The following PCNX1 variants were observed in gnomAD, a reference collection of about 807,000 sequenced individuals.
The protein encoded by PCNX1 is pecanex-like protein 1.
In PCNX1, 78 loss-of-function variants were observed where a neutral mutation model predicts 242.2. That is an observed-to-expected ratio of 0.32 (90% CI 0.27 to 0.39). PCNX1 has a LOEUF of 0.39. Ranked by LOEUF, PCNX1 falls within the 10% of genes least tolerant of loss-of-function variation. The pLI is 1.00. For missense variants in PCNX1, 2,581 were observed against 2,856.5 expected, an observed-to-expected ratio of 0.90 and a Z score of 2.20; for synonymous variants, 1,024 against 1,032.9, an observed-to-expected ratio of 0.99 and a Z score of 0.17.
At chr14:70,936,703 CCA>C (rs1296688056) in intron 1 of PCNX1, among the ~76,000 whole-genome samples, 1 of 152,196 alleles carries the variant, frequency 6.6e-6, no homozygotes, top group Non-Finnish European at 1.5e-5. Flanking sequence ...TGAGGAATTG[CCA>C]CACTGTCTTC....
chr14:71,012,885 A>G, intron 10 of PCNX1, 100 bp from the exon 11 acceptor site: 1 of 818,268 alleles, frequency 1.2e-6, no homozygotes, highest in Non-Finnish European at 2.0e-6. Context: ...TGATAAGCTA[A>G]TTGAGTAACT....
At chr14:71,013,891 C>A (rs2059890010) in intron 11 of PCNX1, among the ~76,000 whole-genome samples, 1 of 152,114 alleles carries the variant, frequency 6.6e-6, no homozygotes, top group Non-Finnish European at 1.5e-5. Context: ...TCCAGGGAGG[C>A]TATGGCAGTT....
chr14:71,018,259 A>G (rs974343208), intron 11 of PCNX1, among the ~76,000 whole-genome samples: 2 of 152,126 alleles, frequency 1.3e-5, no homozygotes, highest in Admixed American at 6.5e-5. Context: ...ATGTATTTGT[A>G]TAAGATTTTG....
Position 71,105,445 on chromosome 14 carries a change from T to G in PCNX1, c.6301+5T>G, listed in dbSNP as rs749260809. 5.3e-5 allele frequency: 85 copies of G among 1,608,906 alleles called. No individual in the cohort carries two copies. Among genetic ancestry groups the G allele is most frequent in the Non-Finnish European group, 6.6e-5 (77 of 1,175,484 alleles). On this transcript the variant is annotated splice_donor_5th_base_variant and intron_variant, in intron 33 of 35. Transcript: ENST00000304743. ...CATCTTATCCTCCAACACTAGGTAA[T>G]GTGAAACAAAGTTATATGTCTAATG...
rs1338134102 is a variant in PCNX1 at position 71,114,516 on chromosome 14, A to G, written c.*4581A>G. On this transcript the variant is annotated 3_prime_UTR_variant, in exon 36 of 36. Coordinates refer to ENST00000304743, the MANE Select transcript of PCNX1 (RefSeq NM_014982.3). ...TTTATCTTTATTGCCTACATACAAC[A>G]TACTTTTTCTGAATTAAGATAACTT... The G allele has an allele frequency of 1.3e-5, 2 of 152,616 alleles. No individual in the cohort carries two copies. 9.5% of individuals were successfully genotyped at this position (152,616 alleles called of 1,614,324 possible). A position where few individuals can be genotyped will look rare whatever the true frequency, so the allele number is the denominator to read the frequency against.
intron 26 of PCNX1, among the ~76,000 whole-genome samples, chr14:71,062,855 A>G (rs181860416): frequency 1.2e-3 from 185 of 152,214 alleles, no homozygotes; most frequent in Non-Finnish European, 2.1e-3. Flanking sequence ...ACCATTTTTT[A>G]TCTTTTTGCC....
At chr14:71,084,936 C>G (rs1297806961) in intron 28 of PCNX1, among the ~76,000 whole-genome samples, 1 of 152,162 alleles carries the variant, frequency 6.6e-6, no homozygotes, top group Non-Finnish European at 1.5e-5. Context: ...CAAATGGCTG[C>G]CCAGTTTTGT....
intron 13 of PCNX1, among the ~76,000 whole-genome samples, chr14:71,024,108 T>C (rs529657006): frequency 1.3e-5 from 2 of 152,328 alleles, no homozygotes; most frequent in African/African-American, 4.8e-5. Flanking sequence ...TTAACATTTA[T>C]GATATTTGCT....
At chr14:71,070,363 G>T (rs1354620754) in intron 26 of PCNX1, among the ~76,000 whole-genome samples, 2 of 152,196 alleles carry the variant, frequency 1.3e-5, no homozygotes, top group African/African-American at 4.8e-5. Context: ...GCATCTAAAA[G>T]GGTGAATCCC....
chr14:71,047,735 A>T, intron 21 of PCNX1, 72 bp from the exon 22 acceptor site: 4 of 1,282,942 alleles, frequency 3.1e-6, no homozygotes, highest in Non-Finnish European at 4.4e-6. Context: ...TAAATGGTGA[A>T]TTTTATTTTA....
chr14:71,055,139 C>T (rs1001258255), intron 24 of PCNX1, among the ~76,000 whole-genome samples: 42 of 152,198 alleles, frequency 2.8e-4, no homozygotes, highest in Non-Finnish European at 5.9e-4. Flanking sequence ...AGCATTAATA[C>T]ATACACCTTC....
intron 23 of PCNX1, among the ~76,000 whole-genome samples, chr14:71,050,971 C>T (rs1319629799): frequency 6.6e-6 from 1 of 151,900 alleles, no homozygotes; most frequent in Non-Finnish European, 1.5e-5. Context: ...GAGTTTGAGA[C>T]CAGCCTGACC....
chr14:71,014,584 C>T (rs1238996485), intron 11 of PCNX1, among the ~76,000 whole-genome samples: 2 of 151,966 alleles, frequency 1.3e-5, no homozygotes, highest in African/African-American at 4.8e-5. Flanking sequence ...ATCCCTGAGA[C>T]GAAAAATATA....
intron 2 of PCNX1, among the ~76,000 whole-genome samples, chr14:70,953,238 C>T (rs940634978): frequency 1.3e-5 from 2 of 152,110 alleles, no homozygotes; most frequent in Admixed American, 1.3e-4. Flanking sequence ...TTGATCACAC[C>T]ACTGCACTCC....
chr14:71,029,693 T>A lies in PCNX1; in HGVS notation c.3558+902T>A, dbSNP rs74851379. Among the ~76,000 whole-genome samples the A allele has an allele frequency of 9.0e-3, 1,367 of 152,310 alleles. 10 individuals are homozygous for A. Among genetic ancestry groups the A allele is most frequent in the Non-Finnish European group, 0.012 (843 of 68,014 alleles). On this transcript the variant is annotated intron_variant, in intron 16 of 35. Coordinates refer to ENST00000304743, the MANE Select transcript of PCNX1 (RefSeq NM_014982.3). Reference sequence around the variant, plus strand: ...CAGATTTTGAAGATCAAATAGGCATTAGCTAATTGAAACAAGAAATGAAGA... The same window carrying A: ...CAGATTTTGAAGATCAAATAGGCATAAGCTAATTGAAACAAGAAATGAAGA...
chr14:70,908,122 G>A, intron 1 of PCNX1, 119 bp downstream of exon 1: 1 of 929,448 alleles, frequency 1.1e-6, no homozygotes, highest in Non-Finnish European at 1.5e-6. Flanking sequence ...CACCCTCTCG[G>A]TGTGAGGCTC....
intron 2 of PCNX1, among the ~76,000 whole-genome samples, chr14:70,954,095 T>A (rs2140394174): frequency 6.6e-6 from 1 of 152,358 alleles, no homozygotes; most frequent in Non-Finnish European, 1.5e-5. Context: ...GTCTGTAGTA[T>A]CAGGTAGGTT....
intron 20 of PCNX1, among the ~76,000 whole-genome samples, chr14:71,046,625 T>C (rs1386528123): frequency 6.6e-6 from 1 of 152,100 alleles, no homozygotes; most frequent in African/African-American, 2.4e-5. Flanking sequence ...ATTCAAATCA[T>C]ACCATATTTT....
At chr14:71,094,157 C>T (rs569855881) in intron 30 of PCNX1, among the ~76,000 whole-genome samples, 11 of 152,290 alleles carry the variant, frequency 7.2e-5, no homozygotes, top group African/African-American at 2.4e-4. Flanking sequence ...ATAATAACCT[C>T]CAACTGGAAA....
Sources: allele counts gnomAD v4.1 joint callset (sites outside exome capture counted in the v4.1 genomes callset), GRCh38; gene constraint gnomAD v4.1.1; transcripts MANE v1.5; gene names NCBI Gene and HGNC (gene_info 2026-07-23, HGNC 2026-07-21).